The following LRRC37A variants were observed in gnomAD, a reference collection of about 807,000 sequenced individuals.
The protein encoded by LRRC37A is leucine rich repeat containing 37A, also known as leucine-rich repeat-containing protein 37A.
A neutral mutation model predicts 35.4 loss-of-function variants in LRRC37A; 3 were observed. That is an observed-to-expected ratio of 0.08 (90% CI 0.04 to 0.22). The LOEUF (loss-of-function observed/expected upper bound fraction) is 0.22. Ranked by LOEUF, LRRC37A falls within the 10% of genes least tolerant of loss-of-function variation. The pLI, the probability that LRRC37A is intolerant of heterozygous loss-of-function variation, is 1.00. For synonymous variants in LRRC37A, 23 were observed against 215.0 expected (o/e 0.11, Z 7.81); for missense variants, 67 against 565.3 (o/e 0.12, Z 8.94).
chr17:46,269,863 T>C, the LRRC37A span, among the ~76,000 whole-genome samples: 1 of 152,238 alleles, frequency 6.6e-6, no homozygotes, highest in African/African-American at 2.4e-5. Context: ...CTTTGAGCCC[T>C]AAAGGTTTGA....
At chr17:46,267,538 T>C in the LRRC37A span, 37 of 1,612,904 alleles carry the variant, frequency 2.3e-5, no homozygotes, top group African/African-American at 4.9e-4. Context: ...CTGAGCTGAA[T>C]GACGCTGCAT....
the LRRC37A span, among the ~76,000 whole-genome samples, chr17:46,278,197 T>C: frequency 6.6e-6 from 1 of 152,052 alleles, no homozygotes; most frequent in East Asian, 2.0e-4. Flanking sequence ...CCACCCGCCT[T>C]GGCCTTCCCA....
the LRRC37A span, among the ~76,000 whole-genome samples, chr17:46,267,724 C>A: frequency 0.12 from 18,483 of 151,812 alleles, 2 homozygotes; most frequent in Non-Finnish European, 0.18. Context: ...CGGGTGAGAA[C>A]GGCAGCTGTT....
At chr17:46,267,423 G>A in the LRRC37A span, 1 of 1,612,774 alleles carries the variant, frequency 6.2e-7, no homozygotes, top group Admixed American at 1.7e-5. Flanking sequence ...TGAACCGCCT[G>A]TACCTCACTC....
At chr17:46,277,015 G>A in the LRRC37A span, among the ~76,000 whole-genome samples, 2 of 152,214 alleles carry the variant, frequency 1.3e-5, no homozygotes, top group South Asian at 2.1e-4. Flanking sequence ...ATGTTGCCCA[G>A]GCTGGTCTCA....
the LRRC37A span, among the ~76,000 whole-genome samples, chr17:46,263,550 CAAAA>C: frequency 1.6e-5 from 1 of 63,632 alleles, no homozygotes. Context: ...GACTCTGTCT[CAAAA>C]AAAAAAAAAA....
the LRRC37A span, among the ~76,000 whole-genome samples, chr17:46,284,994 G>A: frequency 6.6e-6 from 1 of 152,156 alleles, no homozygotes; most frequent in African/African-American, 2.4e-5. Context: ...CTCCCAAGTA[G>A]CTGGATAAAC....
chr17:46,272,424 T>C, the LRRC37A span, among the ~76,000 whole-genome samples: 2 of 115,060 alleles, frequency 1.7e-5, no homozygotes, highest in East Asian at 3.9e-4. Flanking sequence ...TTCTTTTTTA[T>C]TTTTTTTGAG....
the LRRC37A span, among the ~76,000 whole-genome samples, chr17:46,249,466 T>G: frequency 2.8e-4 from 43 of 152,330 alleles, no homozygotes; most frequent in Non-Finnish European, 5.0e-4. Context: ...CCCTGATGTT[T>G]GAAATTCTTG....
upstream of LRRC37A, among the ~76,000 whole-genome samples, chr17:46,290,689 G>A (rs2668649): frequency 6.6e-5 from 10 of 152,144 alleles, no homozygotes; most frequent in Non-Finnish European, 7.4e-5. Flanking sequence ...TCAAGTGATC[G>A]TTTCACCTCA....
chr17:46,289,875 T>A (rs1200603275), upstream of LRRC37A, among the ~76,000 whole-genome samples: 4 of 152,174 alleles, frequency 2.6e-5, no homozygotes, highest in Admixed American at 2.0e-4. Flanking sequence ...ATCCCAGCAG[T>A]TTGGGAGGCC....
chr17:46,267,355 C>CG, the LRRC37A span: 6 of 1,573,936 alleles, frequency 3.8e-6, no homozygotes, highest in Non-Finnish European at 5.2e-6. Flanking sequence ...CGTGGACGTG[C>CG]TGGGCGCGGG....
the LRRC37A span, among the ~76,000 whole-genome samples, chr17:46,268,899 A>T: frequency 6.6e-6 from 1 of 152,244 alleles, no homozygotes; most frequent in Non-Finnish European, 1.5e-5. Context: ...CTCAGTGTCA[A>T]GGTGATTCAA....
the LRRC37A span, among the ~76,000 whole-genome samples, chr17:46,266,784 G>A: frequency 2.6e-5 from 4 of 151,950 alleles, no homozygotes; most frequent in Non-Finnish European, 5.9e-5. Flanking sequence ...GCCGACAACC[G>A]GGCCACCTTC....
At chr17:46,249,458 C>T in the LRRC37A span, among the ~76,000 whole-genome samples, 1 of 152,118 alleles carries the variant, frequency 6.6e-6, no homozygotes, top group East Asian at 1.9e-4. Context: ...TGACTTGGCC[C>T]TGATGTTTGA....
chr17:46,266,717 G>A, the LRRC37A span, among the ~76,000 whole-genome samples: 13 of 152,100 alleles, frequency 8.5e-5, no homozygotes, highest in African/African-American at 3.1e-4. Flanking sequence ...GGTGTAGTGC[G>A]GAGCCCTGGG....
the LRRC37A span, chr17:46,268,817 T>C: frequency 1.4e-6 from 1 of 695,908 alleles, no homozygotes; most frequent in Non-Finnish European, 2.1e-6. Context: ...ATGACCTGCA[T>C]AGTTACAACT....
At chr17:46,259,521 C>A in the LRRC37A span, 19 of 1,605,746 alleles carry the variant, frequency 1.2e-5, no homozygotes, top group Admixed American at 2.0e-4. Context: ...CATGCCCATT[C>A]GGGCTGCCTG....
the LRRC37A span, chr17:46,267,515 C>A: frequency 1.2e-6 from 2 of 1,612,836 alleles, no homozygotes; most frequent in Non-Finnish European, 1.7e-6. Context: ...AGAGTTTAAA[C>A]CTGGTATTGA....
Sources: allele counts gnomAD v4.1 joint callset (sites outside exome capture counted in the v4.1 genomes callset), GRCh38; gene constraint gnomAD v4.1.1; transcripts MANE v1.5; gene names NCBI Gene and HGNC (gene_info 2026-07-23, HGNC 2026-07-21).